Variants in CNKSR1 observed in about 807,000 individuals in gnomAD.
CNKSR1 encodes the protein connector enhancer of kinase suppressor of Ras 1.
CNKSR1 carries 88 observed loss-of-function variants against 95.6 expected under a neutral mutation model. That is an observed-to-expected ratio of 0.92 (90% CI 0.78 to 1.10). The LOEUF (loss-of-function observed/expected upper bound fraction) is 1.10. CNKSR1 is among the 50% of genes least tolerant of loss of function. The probability of loss-of-function intolerance (pLI) is 0.00; values close to 1 mark genes in which losing one functional copy is unlikely to be tolerated. For synonymous variants in CNKSR1, 355 were observed against 369.7 expected (o/e 0.96, Z 0.46); for missense variants, 836 against 912.0 (o/e 0.92, Z 1.07).
intron 8 of CNKSR1, 137 bp downstream of exon 8, chr1:26,183,551 G>T: frequency 9.3e-7 from 1 of 1,078,884 alleles, no homozygotes; most frequent in Non-Finnish European, 1.4e-6. Context: ...GCTAAGTCTG[G>T]TGAGAGCATC....
Position 26,184,214 on chromosome 1 carries a change from G to A in CNKSR1, c.927G>A (p.Arg309=), listed in dbSNP as rs767163195. 2 of 1,613,108 alleles carry A rather than the reference G, an allele frequency of 1.2e-6. No homozygotes were observed. The highest frequency in any genetic ancestry group is 1.6e-4 in the Middle Eastern group (1 of 6,062). The change falls in exon 11 of 21, where the codon AGG becomes AGA. Residue 309 remains arginine (R), a splice_region_variant and synonymous_variant. Transcript: ENST00000361530. ...PSLSLAPLSP[R]APSEDVFAFD... is the part of the protein sequence containing the mutation. ...ATCTCATCCCCCTTGCCCTCCCCAGGGCCCCATCTGAAGACGTCTTTGCCT... is the reference window on the plus strand; with the variant it reads ...ATCTCATCCCCCTTGCCCTCCCCAGAGCCCCATCTGAAGACGTCTTTGCCT...
At position 26,189,273 on chromosome 1, in the gene CNKSR1, A is replaced by G. The variant is rs1569893280; in HGVS notation, c.1873-6A>G. 1.9e-6 allele frequency: 3 copies of G among 1,613,956 alleles called. No homozygotes were observed. The highest frequency in any genetic ancestry group is 4.5e-5 in the East Asian group (2 of 44,866). Reference sequence around the variant, plus strand: ...CATGGTCCCTTAGCCCCTCCTCTCCACACAGGCAAAGCTGCAGGAGCTGCA... The same window carrying G: ...CATGGTCCCTTAGCCCCTCCTCTCCGCACAGGCAAAGCTGCAGGAGCTGCA... On this transcript the variant is annotated splice_region_variant and splice_polypyrimidine_tract_variant and intron_variant, in intron 20 of 20. Coordinates refer to ENST00000361530, the MANE Select transcript of CNKSR1 (RefSeq NM_006314.3).
rs1404139083 is a variant in CNKSR1 at position 26,187,409 on chromosome 1, A to G, written c.1383-2A>G. 3 of 1,613,896 alleles carry G rather than the reference A, an allele frequency of 1.9e-6. No homozygotes were observed. Among genetic ancestry groups the G allele is most frequent in the African/African-American group, 2.7e-5 (2 of 74,870 alleles). ...GAGTGATGCTCCTCCACTACCTGGC[A>G]GTGTGTTTCAGCTCACCCATGATGT... On this transcript the variant is annotated splice_acceptor_variant, in intron 15 of 20. Coordinates refer to ENST00000361530, the MANE Select transcript of CNKSR1 (RefSeq NM_006314.3). LOFTEE classifies it high-confidence loss of function.
intron 3 of CNKSR1, chr1:26,181,618 A>G (rs2088648734): frequency 1.9e-6 from 1 of 516,614 alleles, no homozygotes; most frequent in Admixed American, 3.1e-5. Flanking sequence ...ATATTGATGT[A>G]TGATGTCTTT....
chr1:26,178,544 C>T (rs929190140), intron 1 of CNKSR1, among the ~76,000 whole-genome samples: 2 of 152,226 alleles, frequency 1.3e-5, no homozygotes, highest in Non-Finnish European at 2.9e-5. Context: ...AGCAGGCAGT[C>T]AGGACACCCC....
rs751640103 is a variant in CNKSR1 at position 26,188,339 on chromosome 1, C to T, written c.1528+32C>T. ...GTCTCGCAGGGTTGAGTGGGAGGAA[C>T]CCTCACCTGAGCCTGTGCCTTTCCT... On this transcript the variant is annotated intron_variant, in intron 17 of 20. Coordinates refer to ENST00000361530, the MANE Select transcript of CNKSR1 (RefSeq NM_006314.3). 14 of 1,612,870 alleles carry T rather than the reference C, an allele frequency of 8.7e-6. No individual in the cohort carries two copies. In the East Asian group the frequency reaches 2.9e-4, roughly 33 times the overall value.
At position 26,186,047 on chromosome 1, in the gene CNKSR1, C is replaced by G. The variant is rs138711471; in HGVS notation, c.1308+861C>G. Among the ~76,000 whole-genome samples, 329 of 152,256 alleles carry G rather than the reference C, an allele frequency of 2.2e-3. 2 individuals carry two copies. Among genetic ancestry groups the G allele is most frequent in the African/African-American group, 7.7e-3 (318 of 41,534 alleles). On this transcript the variant is annotated intron_variant, in intron 14 of 20. Transcript: ENST00000361530. Reference sequence around the variant, plus strand: ...TAGGGGAGAGGGATGAATACACACTCAAGGACAATGTAGGGACCGTGTGCT... The same window carrying G: ...TAGGGGAGAGGGATGAATACACACTGAAGGACAATGTAGGGACCGTGTGCT...
chr1:26,181,955 G>C lies in CNKSR1; in HGVS notation c.477+14G>C, dbSNP rs1227913144. On this transcript the variant is annotated intron_variant, in intron 4 of 20. Coordinates refer to ENST00000361530, the MANE Select transcript of CNKSR1 (RefSeq NM_006314.3). ...GTCTTGCATGAGGTAGGAGAACCAA[G>C]GGCCAGGCTTGGCCCATGCCCTAGA... The C allele has an allele frequency of 6.2e-7, 1 of 1,613,228 alleles. No homozygotes were observed. Among genetic ancestry groups the C allele is most frequent in the African/African-American group, 1.3e-5 (1 of 75,040 alleles).
At chr1:26,188,180 T>G in intron 16 of CNKSR1, 54 bp from the exon 17 acceptor site, 1 of 1,495,132 alleles carries the variant, frequency 6.7e-7, no homozygotes, top group Non-Finnish European at 9.3e-7. Flanking sequence ...GCCCCCAGCA[T>G]ACAAGAGGGC....
At chr1:26,183,065 TG>T in intron 6 of CNKSR1, 131 bp from the exon 7 acceptor site, 1 of 905,000 alleles carries the variant, frequency 1.1e-6, no homozygotes, top group Non-Finnish European at 1.9e-6. Flanking sequence ...ACAGCAAGTC[TG>T]GGCAGGACCA....
At position 26,184,239 on chromosome 1, in the gene CNKSR1, T is replaced by C. The variant is rs2124512040; in HGVS notation, c.952T>C (p.Phe318Leu). The C allele has an allele frequency of 1.9e-6, 3 of 1,613,448 alleles. 1 individual carries two copies. In the Middle Eastern group the frequency reaches 5.0e-4, roughly 266 times the overall value. ...PRAPSEDVFA[F>L]DLSSNPSPGP... Reference sequence around the variant, plus strand: ...GGCCCCATCTGAAGACGTCTTTGCCTTTGACCTGTCTTCAAACCCCAGTCC... The same window carrying C: ...GGCCCCATCTGAAGACGTCTTTGCCCTTGACCTGTCTTCAAACCCCAGTCC... The change falls in exon 11 of 21, where the codon TTT becomes CTT. Residue 318 changes from phenylalanine to leucine, a missense_variant. Phe to Leu is a conservative substitution (Grantham distance 22). Coordinates refer to ENST00000361530, the MANE Select transcript of CNKSR1 (RefSeq NM_006314.3).
chr1:26,179,875 C>A (rs557626085), intron 1 of CNKSR1, among the ~76,000 whole-genome samples: 2 of 152,106 alleles, frequency 1.3e-5, no homozygotes, highest in Non-Finnish European at 2.9e-5. Context: ...GTGGCTCACA[C>A]CTGTAATTCT....
Position 26,189,488 on chromosome 1 carries a change from A to C in CNKSR1, c.2082A>C (p.Glu694Asp). Reference protein sequence around the residue: ...QSPHSLPSDPEEHSHLCPLTS... With the variant: ...QSPHSLPSDPDEHSHLCPLTS... Reference sequence around the variant, plus strand: ...CCCACTCCCTGCCCTCTGACCCTGAAGAGCACTCCCATCTCTGCCCCCTGA... The same window carrying C: ...CCCACTCCCTGCCCTCTGACCCTGACGAGCACTCCCATCTCTGCCCCCTGA... The change falls in exon 21 of 21, where the codon GAA becomes GAC. Residue 694 changes from glutamate to aspartate, a missense_variant. Physicochemically the swap from Glu to Asp is conservative, Grantham distance 45. Transcript: ENST00000361530. The C allele has an allele frequency of 1.2e-6, 2 of 1,612,610 alleles. No individual in the cohort carries two copies. The highest frequency in any genetic ancestry group is 1.7e-6 in the Non-Finnish European group (2 of 1,178,764).
Position 26,188,893 on chromosome 1 carries a change from C to T in CNKSR1, c.1812C>T (p.Asn604=). 6.2e-7 allele frequency: 1 copy of T among 1,613,950 alleles called. No homozygotes were observed. Among genetic ancestry groups the T allele is most frequent in the Non-Finnish European group, 8.5e-7 (1 of 1,180,018 alleles). ...EQWRSSFMRR[N]RDPQLNERVH... ...GGCGGAGCTCTTTCATGCGGCGCAA[C>T]CGAGACCCTCAGCTCAATGAGCGAG... Residue 604 remains asparagine, a synonymous_variant, in exon 20 of 21, where the codon AAC becomes AAT. Transcript: ENST00000361530.
intron 3 of CNKSR1, among the ~76,000 whole-genome samples, chr1:26,181,414 C>G (rs1229780590): frequency 7.9e-5 from 12 of 151,892 alleles, no homozygotes; most frequent in Admixed American, 7.9e-4. Flanking sequence ...TCAACAACCA[C>G]TGAATGGAGA....
At chr1:26,189,209 G>A in intron 20 of CNKSR1, 70 bp from the exon 21 acceptor site, 14 of 1,584,762 alleles carry the variant, frequency 8.8e-6, no homozygotes, top group Non-Finnish European at 1.1e-5. Context: ...CCTCCGGAGT[G>A]AAGTCTGGCC....
chr1:26,185,116 T>G lies in CNKSR1; in HGVS notation c.1238T>G (p.Met413Arg). The G allele has an allele frequency of 6.3e-7, 1 of 1,596,516 alleles. No homozygotes were observed. Residue 413 changes from methionine to arginine, a missense_variant, in exon 14 of 21, where the codon ATG becomes AGG. By Grantham distance (91) the Met-to-Arg change is moderately conservative. Transcript: ENST00000361530. Reference sequence around the variant, plus strand: ...TTGCGAAAGGCACCGGGCGGCTTCATGGGCCCGCGCTGGCGCCGCCGCTGG... The same window carrying G: ...TTGCGAAAGGCACCGGGCGGCTTCAGGGGCCCGCGCTGGCGCCGCCGCTGG... ...LLLRKAPGGF[M>R]GPRWRRRWFV... is the part of the protein sequence containing the mutation.
chr1:26,185,251 T>G, intron 14 of CNKSR1, 65 bp downstream of exon 14: 30 of 1,467,700 alleles, frequency 2.0e-5, no homozygotes, highest in Non-Finnish European at 2.5e-5. Context: ...TTCTCATCTC[T>G]ATTCTATCAT....
Position 26,189,717 on chromosome 1 carries a change from T to C in CNKSR1, c.*169T>C. On this transcript the variant is annotated 3_prime_UTR_variant, in exon 21 of 21. Transcript: ENST00000361530. ...CCTCTGCCTGGGCTTTGTGCCACCC[T>C]CTCCCTTGCCAAAGAAGAAACTCTC... 1 of 722,122 alleles carries C rather than the reference T, an allele frequency of 1.4e-6. No individual in the cohort carries two copies. Among genetic ancestry groups the C allele is most frequent in the Non-Finnish European group, 2.5e-6 (1 of 395,948 alleles). 44.7% of individuals were successfully genotyped at this position (722,122 alleles called of 1,614,324 possible). A position where few individuals can be genotyped will look rare whatever the true frequency, so the allele number is the denominator to read the frequency against.
Sources: allele counts gnomAD v4.1 joint callset (sites outside exome capture counted in the v4.1 genomes callset), GRCh38; gene constraint gnomAD v4.1.1; transcripts MANE v1.5; gene names NCBI Gene and HGNC (gene_info 2026-07-23, HGNC 2026-07-21).